Variants in SMIM36 observed in about 807,000 individuals in gnomAD.
SMIM36 encodes small integral membrane protein 36.
At chr17:55,530,399 G>C in the SMIM36 span, among the ~76,000 whole-genome samples, 1 of 152,210 alleles carries the variant, frequency 6.6e-6, no homozygotes, top group Non-Finnish European at 1.5e-5. Context: ...TTGAAATATT[G>C]GTGGAGGCAG....
chr17:55,462,555 A>G (rs1158091351), intron 4 of SMIM36, among the ~76,000 whole-genome samples: 1 of 152,224 alleles, frequency 6.6e-6, no homozygotes, highest in African/African-American at 2.4e-5. Flanking sequence ...GCAGTGAGCT[A>G]TGACAGAACC....
intron 3 of SMIM36, among the ~76,000 whole-genome samples, chr17:55,474,447 T>C (rs1909394052): frequency 6.6e-6 from 1 of 152,158 alleles, no homozygotes; most frequent in Admixed American, 6.5e-5. Flanking sequence ...ATCAATGCAG[T>C]GGCTGAACAC....
At chr17:55,487,640 T>C (rs1909630139) in intron 1 of SMIM36, among the ~76,000 whole-genome samples, 2 of 152,204 alleles carry the variant, frequency 1.3e-5, no homozygotes, top group Non-Finnish European at 2.9e-5. Context: ...GGGGCCTTTG[T>C]AGGAACTGAG....
chr17:55,457,278 T>A (rs1270137449), intron 4 of SMIM36, among the ~76,000 whole-genome samples: 1 of 151,598 alleles, frequency 6.6e-6, no homozygotes, highest in African/African-American at 2.4e-5. Flanking sequence ...TGAAACCCCA[T>A]CCCTACTAAA....
At chr17:55,495,175 G>A (rs901848686) in intron 1 of SMIM36, among the ~76,000 whole-genome samples, 11 of 152,080 alleles carry the variant, frequency 7.2e-5, no homozygotes, top group Non-Finnish European at 1.2e-4. Context: ...CATGTTTACC[G>A]GACCTCCACC....
At chr17:55,473,246 C>G (rs1268450692) in intron 3 of SMIM36, among the ~76,000 whole-genome samples, 1 of 152,190 alleles carries the variant, frequency 6.6e-6, no homozygotes, top group African/African-American at 2.4e-5. Flanking sequence ...GCTCTGTCTG[C>G]CATGCCACCA....
intron 4 of SMIM36, among the ~76,000 whole-genome samples, chr17:55,462,109 T>C (rs1006362228): frequency 2.0e-5 from 3 of 152,222 alleles, no homozygotes. Flanking sequence ...GGAAAGTGTA[T>C]GGCCTTGGAT....
intron 3 of SMIM36, among the ~76,000 whole-genome samples, chr17:55,474,050 A>G (rs1345323952): frequency 1.3e-5 from 2 of 152,038 alleles, no homozygotes; most frequent in Admixed American, 1.3e-4. Context: ...TGCTTGCTCA[A>G]TCAATCACGA....
At chr17:55,508,778 C>T (rs1184400218) in intron 1 of SMIM36, among the ~76,000 whole-genome samples, 1 of 151,658 alleles carries the variant, frequency 6.6e-6, no homozygotes, top group African/African-American at 2.4e-5. Context: ...CAAAAATTAG[C>T]TGCGTGTGGT....
At chr17:55,457,962 A>T (rs1484904895) in intron 4 of SMIM36, among the ~76,000 whole-genome samples, 3 of 152,198 alleles carry the variant, frequency 2.0e-5, no homozygotes, top group Non-Finnish European at 4.4e-5. Flanking sequence ...GGAGGTACAG[A>T]ATTGGGATTT....
chr17:55,477,071 T>G (rs2143269242), intron 3 of SMIM36: 1 of 152,292 alleles, frequency 6.6e-6, no homozygotes, highest in Admixed American at 6.5e-5. Flanking sequence ...TTCTAGCTAC[T>G]TGGGAGGCTG....
chr17:55,497,526 A>G (rs1368799998), intron 1 of SMIM36, among the ~76,000 whole-genome samples: 3 of 152,022 alleles, frequency 2.0e-5, no homozygotes, highest in African/African-American at 7.2e-5. Context: ...CGGCCTCCCA[A>G]AATGCTGGGA....
intron 4 of SMIM36, among the ~76,000 whole-genome samples, chr17:55,466,387 A>G (rs932751486): frequency 2.0e-5 from 3 of 151,880 alleles, no homozygotes; most frequent in South Asian, 2.1e-4. Context: ...TTGAATGAGA[A>G]GTTAGGGCCA....
upstream of SMIM36, among the ~76,000 whole-genome samples, chr17:55,515,186 G>A (rs1297064266): frequency 7.3e-6 from 1 of 136,992 alleles, no homozygotes; most frequent in Non-Finnish European, 1.5e-5. Context: ...AGAAAAGTGA[G>A]AAAGGCAATA....
chr17:55,523,515 G>A, the SMIM36 span, among the ~76,000 whole-genome samples: 3 of 146,654 alleles, frequency 2.0e-5, no homozygotes, highest in African/African-American at 5.2e-5. Context: ...GGGCGACAGA[G>A]TGAGACTCCG....
At chr17:55,479,027 G>A (rs1468139187) in intron 2 of SMIM36, among the ~76,000 whole-genome samples, 1 of 152,148 alleles carries the variant, frequency 6.6e-6, no homozygotes, top group African/African-American at 2.4e-5. Context: ...TTCTGATGGA[G>A]AGGGCTGTCT....
At chr17:55,517,193 C>A in the SMIM36 span, among the ~76,000 whole-genome samples, 1 of 152,128 alleles carries the variant, frequency 6.6e-6, no homozygotes, top group Non-Finnish European at 1.5e-5. Context: ...TGAAGGTATA[C>A]TAAGATGGTG....
intron 1 of SMIM36, among the ~76,000 whole-genome samples, chr17:55,480,554 C>A (rs907617537): frequency 6.6e-6 from 1 of 152,164 alleles, no homozygotes; most frequent in Non-Finnish European, 1.5e-5. Flanking sequence ...TGGGGGGATG[C>A]ATTGACTTAC....
intron 1 of SMIM36, among the ~76,000 whole-genome samples, chr17:55,488,101 A>G (rs1012440646): frequency 6.6e-6 from 1 of 152,234 alleles, no homozygotes; most frequent in Non-Finnish European, 1.5e-5. Context: ...GGGCAATGAC[A>G]TGGCCCAGTT....
Sources: gnomAD v4.1 joint callset for allele counts (sites outside exome capture counted in the v4.1 genomes callset) on GRCh38, gnomAD v4.1.1 for gene constraint, MANE v1.5 for transcripts, NCBI Gene and HGNC (gene_info 2026-07-23, HGNC 2026-07-21) for gene names.